Variants in EHBP1 observed in about 807,000 individuals in gnomAD.
EHBP1 encodes the protein EH domain binding protein 1, also known as EH domain-binding protein 1.
In EHBP1, 55 loss-of-function variants were observed where a neutral mutation model predicts 144.0. The ratio of observed to expected loss-of-function variants is 0.38; its 90% CI spans 0.31 to 0.48. The LOEUF (loss-of-function observed/expected upper bound fraction) is 0.48, where lower values mean the gene tolerates loss of function less well. Among genes scored for constraint, EHBP1 ranks in the 20% least tolerant of loss-of-function variants. EHBP1 has a pLI of 0.98. For synonymous variants in EHBP1, 469 were observed against 472.7 expected (o/e 0.99, Z 0.10); for missense variants, 1,200 against 1,364.2 (o/e 0.88, Z 1.90).
intron 1 of EHBP1, among the ~76,000 whole-genome samples, chr2:62,678,352 T>A (rs1380119487): frequency 2.0e-5 from 3 of 152,230 alleles, no homozygotes; most frequent in Non-Finnish European, 4.4e-5. Flanking sequence ...CCTATAGAGT[T>A]GTCTGAGTTC....
intron 16 of EHBP1, among the ~76,000 whole-genome samples, chr2:62,991,243 TAAAA>T (rs548024211): frequency 1.7e-5 from 2 of 117,202 alleles, no homozygotes; most frequent in Admixed American, 8.9e-5. Flanking sequence ...AGACCTTGTC[TAAAA>T]AAAAAAAAAA....
intron 6 of EHBP1, among the ~76,000 whole-genome samples, chr2:62,828,347 AAAT>A (rs1164194820): frequency 2.0e-5 from 3 of 152,226 alleles, no homozygotes; most frequent in Non-Finnish European, 4.4e-5. Context: ...TTTAAGGTGA[AAAT>A]AATACATGAT....
intron 7 of EHBP1, among the ~76,000 whole-genome samples, chr2:62,853,912 T>C (rs982529281): frequency 2.6e-5 from 4 of 152,154 alleles, no homozygotes; most frequent in African/African-American, 9.7e-5. Context: ...GCACAGCAGG[T>C]CTCAACAATG....
chr2:62,687,014 A>C (rs184932833), intron 1 of EHBP1, among the ~76,000 whole-genome samples: 14 of 152,276 alleles, frequency 9.2e-5, no homozygotes, highest in African/African-American at 3.4e-4. Flanking sequence ...TGGTAACTAA[A>C]AGAGCTGTAT....
intron 14 of EHBP1, among the ~76,000 whole-genome samples, chr2:62,957,888 C>G (rs1234556917): frequency 6.6e-6 from 1 of 151,748 alleles, no homozygotes; most frequent in Admixed American, 6.6e-5. Context: ...CCTCGTGATC[C>G]GCCCGCCTCG....
chr2:62,850,468 A>G lies in EHBP1; in HGVS notation c.635-8701A>G, dbSNP rs540634199. 2.6e-5 allele frequency among the ~76,000 whole-genome samples: 4 copies of G among 152,190 alleles called. No homozygotes were observed. The South Asian group carries it at 8.3e-4, about 32-fold the overall frequency. ...TTACTGTAAGGAAGAATCTCAAATTATTTGACCCTTTGCTTTGATTGCCTG... is the reference window on the plus strand; with the variant it reads ...TTACTGTAAGGAAGAATCTCAAATTGTTTGACCCTTTGCTTTGATTGCCTG... On this transcript the variant is annotated intron_variant, in intron 7 of 22. Transcript: ENST00000431489.
intron 10 of EHBP1, among the ~76,000 whole-genome samples, chr2:62,937,118 A>G (rs1314195927): frequency 1.3e-5 from 2 of 152,238 alleles, no homozygotes; most frequent in Non-Finnish European, 2.9e-5. Flanking sequence ...GAATCAACTA[A>G]TTAAACATAT....
intron 2 of EHBP1, among the ~76,000 whole-genome samples, chr2:62,742,461 C>T (rs1307224488): frequency 6.6e-6 from 1 of 151,936 alleles, no homozygotes; most frequent in African/African-American, 2.4e-5. Flanking sequence ...GATTCCTTTC[C>T]TCTTAATAAC....
intron 19 of EHBP1, among the ~76,000 whole-genome samples, chr2:63,022,391 T>G (rs1031456903): frequency 6.6e-6 from 1 of 152,104 alleles, no homozygotes; most frequent in African/African-American, 2.4e-5. Context: ...CTCAGCTCAC[T>G]GCAACCTCCA....
At chr2:63,020,028 A>C (rs1443298884) in intron 19 of EHBP1, among the ~76,000 whole-genome samples, 1 of 151,734 alleles carries the variant, frequency 6.6e-6, no homozygotes, top group Non-Finnish European at 1.5e-5. Flanking sequence ...GTCTCTACTA[A>C]AAGTACGAAA....
At chr2:62,993,710 C>CTA (rs777283197) in intron 17 of EHBP1, 42 bp downstream of exon 17, 5 of 1,251,266 alleles carry the variant, frequency 4.0e-6, no homozygotes. Context: ...TATGGTTTAA[C>CTA]TATATATAGA....
intron 10 of EHBP1, among the ~76,000 whole-genome samples, chr2:62,912,261 A>T (rs974964475): frequency 2.6e-5 from 4 of 152,148 alleles, no homozygotes; most frequent in African/African-American, 9.7e-5. Context: ...AGATAAAGGA[A>T]TTATTTAAAA....
intron 10 of EHBP1, among the ~76,000 whole-genome samples, chr2:62,901,241 T>A (rs2053387489): frequency 6.6e-6 from 1 of 152,204 alleles, no homozygotes; most frequent in South Asian, 2.1e-4. Context: ...TCATAAATCT[T>A]TCTTTAGTTA....
intron 7 of EHBP1, among the ~76,000 whole-genome samples, chr2:62,852,903 G>A (rs1444316929): frequency 6.6e-6 from 1 of 152,158 alleles, no homozygotes; most frequent in East Asian, 1.9e-4. Flanking sequence ...CAAGATGGAA[G>A]AAGAAACTTT....
intron 7 of EHBP1, among the ~76,000 whole-genome samples, chr2:62,836,466 C>G (rs1418962465): frequency 5.7e-5 from 8 of 140,974 alleles, no homozygotes; most frequent in Non-Finnish European, 7.7e-5. Flanking sequence ...CAGTTCCTCA[C>G]CAGCAACGGA....
intron 5 of EHBP1, among the ~76,000 whole-genome samples, chr2:62,805,877 C>T (rs1308292559): frequency 6.6e-6 from 1 of 152,150 alleles, no homozygotes; most frequent in African/African-American, 2.4e-5. Context: ...TTTTGAATCA[C>T]TCTGACAATT....
chr2:62,798,641 A>C (rs560980450), intron 5 of EHBP1, among the ~76,000 whole-genome samples: 1 of 152,340 alleles, frequency 6.6e-6, no homozygotes, highest in African/African-American at 2.4e-5. Context: ...CGCCAGACAC[A>C]TGGTAAATTG....
intron 7 of EHBP1, chr2:62,858,320 T>A: frequency 1.2e-6 from 1 of 804,422 alleles, no homozygotes; most frequent in Non-Finnish European, 2.0e-6. Flanking sequence ...ATCTCCTCTT[T>A]GTCTTTTTGG....
At chr2:63,025,797 G>A (rs1490971539) in intron 19 of EHBP1, among the ~76,000 whole-genome samples, 2 of 152,134 alleles carry the variant, frequency 1.3e-5, no homozygotes, top group African/African-American at 4.8e-5. Flanking sequence ...TAATCCTTGG[G>A]AATTTTAGAG....
Sources: gnomAD v4.1 joint callset for allele counts (sites outside exome capture counted in the v4.1 genomes callset) on GRCh38, gnomAD v4.1.1 for gene constraint, MANE v1.5 for transcripts, NCBI Gene and HGNC (gene_info 2026-07-23, HGNC 2026-07-21) for gene names.